CSPG4: variants seen among roughly 807,000 people sequenced by gnomAD.
CSPG4 encodes chondroitin sulfate proteoglycan 4 (melanoma-associated).
In CSPG4, 74 loss-of-function variants were observed where a neutral mutation model predicts 139.3. The ratio of observed to expected loss-of-function variants is 0.53; its 90% confidence interval spans 0.44 to 0.64. The LOEUF is 0.64. CSPG4 is among the 30% of genes least tolerant of loss of function. The pLI is 0.00. For synonymous variants in CSPG4, 1,234 were observed against 1,394.2 expected, an observed-to-expected ratio of 0.89 and a Z score of 2.56; for missense variants, 2,565 against 3,148.3, an observed-to-expected ratio of 0.81 and a Z score of 4.43.
rs1394177348 is a variant in CSPG4 at position 75,675,607 on chromosome 15, C to G, written c.6912G>C (p.Leu2304=). ...PPPGGQPDPE[L]LQFCRTPNPA... is the part of the protein sequence containing the mutation. ...GGTTGGGTGTCCGGCAGAACTGCAG[C>G]AGCTCTGGGTCAGGCTGGCCTCCTG... Residue 2304 remains leucine (L), a synonymous_variant, in exon 10 of 10, where the codon CTG becomes CTC. Transcript: ENST00000308508. The G allele has an allele frequency of 1.3e-6, 2 of 1,514,304 alleles. No individual in the cohort carries two copies. The highest frequency in any genetic ancestry group is 4.6e-5 in the East Asian group (2 of 43,796). 93.8% of individuals were successfully genotyped at this position (1,514,304 alleles called of 1,614,324 possible).
rs768885027 is a variant in CSPG4, at chr15:75,690,804, A to G, written c.261T>C (p.Leu87=). The G allele has an allele frequency of 1.9e-6, 3 of 1,607,650 alleles. No individual in the cohort carries two copies. In the South Asian group the frequency reaches 3.3e-5, roughly 18 times the overall value. ...GCCTCAGCTCCTCCTGGCCCAGAAC[A>G]AGTCTGACCTGAAGAGAGATGGGGA... The part of the protein sequence containing the change: ...QLYSGRLQVR[L]VLGQEELRLQ... Residue 87 remains leucine (L), a synonymous_variant, in exon 3 of 10, where the codon CTT becomes CTC. Transcript: ENST00000308508.
intron 8 of CSPG4, 106 bp from the exon 9 acceptor site, chr15:75,677,992 C>T: frequency 9.4e-7 from 1 of 1,066,928 alleles, no homozygotes; most frequent in Non-Finnish European, 1.3e-6. Flanking sequence ...CCTGGGTGTG[C>T]CCAGGTCTGT....
Position 75,687,737 on chromosome 15 carries a change from C to T in CSPG4, c.3328G>A (p.Gly1110Arg), listed in dbSNP as rs753492681. ...AGCAGCGCAGTGGCCTGGTGTTGCC[C>T]GTCGGACACCTGCAGCTGGATCCAG... Reference protein sequence around the residue: ...RGWIQLQVSDGQHQATALLEV... With the variant: ...RGWIQLQVSDRQHQATALLEV... The change falls in exon 3 of 10, where the codon GGG (glycine) becomes AGG (arginine). Residue 1110 changes from glycine to arginine, a missense_variant. Gly to Arg is a moderately radical substitution (Grantham distance 125). This residue lies in a region of CSPG4 where 2,316 missense variants were observed against 2,818.2 expected (regional missense o/e 0.82). Transcript: ENST00000308508. This position sits in a 1 kb window ranked among gnomAD's most constrained non-coding sequence, Gnocchi z 5.4. 1.6e-5 allele frequency: 26 copies of T among 1,612,806 alleles called. No homozygotes were observed. Among genetic ancestry groups the T allele is most frequent in the African/African-American group, 2.7e-5 (2 of 74,936 alleles).
intron 9 of CSPG4, 97 bp from the exon 10 acceptor site, chr15:75,677,481 C>A (rs754484058): frequency 6.8e-6 from 9 of 1,325,212 alleles, no homozygotes; most frequent in Middle Eastern, 2.4e-4. Context: ...GTGCCTCCCC[C>A]CAACCATCAA....
At chr15:75,697,368 C>A (rs1338069997) in intron 1 of CSPG4, among the ~76,000 whole-genome samples, 4 of 152,242 alleles carry the variant, frequency 2.6e-5, no homozygotes, top group Non-Finnish European at 2.9e-5. Flanking sequence ...CCCCACCCTC[C>A]ATGGGTGCTG....
intron 1 of CSPG4, among the ~76,000 whole-genome samples, chr15:75,699,691 G>A (rs1383802825): frequency 6.6e-6 from 1 of 152,218 alleles, no homozygotes; most frequent in East Asian, 1.9e-4. Flanking sequence ...GCAGCCCAGA[G>A]TCCACCCAGG....
chr15:75,705,573 G>A (rs759535508), intron 1 of CSPG4, among the ~76,000 whole-genome samples: 3 of 152,238 alleles, frequency 2.0e-5, no homozygotes, highest in Non-Finnish European at 2.9e-5. Context: ...CTGAGGCTCA[G>A]AAAGACAGAG....
At chr15:75,677,470 T>C (rs1758265181) in intron 9 of CSPG4, 86 bp from the exon 10 acceptor site, 2 of 1,353,986 alleles carry the variant, frequency 1.5e-6, no homozygotes, top group Admixed American at 6.6e-5. Context: ...AGGGCAAGGA[T>C]GTGCCTCCCC....
Position 75,689,123 on chromosome 15 carries a change from C to T in CSPG4, c.1942G>A (p.Ala648Thr), listed in dbSNP as rs750810071. The change falls in exon 3 of 10, where the codon GCC becomes ACC. Residue 648 changes from alanine to threonine, a missense_variant. By Grantham distance (58) the Ala-to-Thr change is moderately conservative (BLOSUM62 0). Around this residue, in one of 5 missense-constraint regions of CSPG4, gnomAD observed 2,316 missense variants for 2,818.2 expected, o/e 0.82. Transcript: ENST00000308508. ...ACCTTCAGCGTGGCCGGGGGGCTGGCCTGCAGTCCATCGCTGACCCGGAAC... is the reference window on the plus strand; with the variant it reads ...ACCTTCAGCGTGGCCGGGGGGCTGGTCTGCAGTCCATCGCTGACCCGGAAC... ...LTFRVSDGLQ[A>T]SPPATLKVVA... 9 of 1,601,468 alleles carry T rather than the reference C, an allele frequency of 5.6e-6. No homozygotes were observed. Among genetic ancestry groups the T allele is most frequent in the Admixed American group, 1.7e-5 (1 of 59,594 alleles).
Position 75,682,658 on chromosome 15 carries a change from T to C in CSPG4, c.4732A>G (p.Lys1578Glu), listed in dbSNP as rs574407281. Residue 1578 changes from lysine to glutamate, a missense_variant, in exon 7 of 10, where the codon AAG (lysine) becomes GAG (glutamate). This residue lies in a region of CSPG4 where 2,316 missense variants were observed against 2,818.2 expected (regional missense o/e 0.82). Coordinates refer to ENST00000308508, the MANE Select transcript of CSPG4 (RefSeq NM_001897.5). ...CCCTTCAGCGAGAGGAGCACTTGCTTCTGGGCCGTCACTCGGAAGAAGTGT... is the reference window on the plus strand; with the variant it reads ...CCCTTCAGCGAGAGGAGCACTTGCTCCTGGGCCGTCACTCGGAAGAAGTGT... Reference protein sequence around the residue: ...PGHFFRVTAQKQVLLSLKGSQ... With the variant: ...PGHFFRVTAQEQVLLSLKGSQ... 6 of 1,613,052 alleles carry C rather than the reference T, an allele frequency of 3.7e-6. No homozygotes were observed. The South Asian group carries it at 6.6e-5, about 18-fold the overall frequency.
At chr15:75,693,261 G>A (rs768239122) in intron 1 of CSPG4, 28 bp from the exon 2 acceptor site, 1 of 1,498,270 alleles carries the variant, frequency 6.7e-7, no homozygotes, top group Non-Finnish European at 8.9e-7. Flanking sequence ...CTGTGGTCAA[G>A]GCTCAGACTC....
rs769627899 is a variant in CSPG4, at chr15:75,675,562, C to T, written c.6957G>A (p.Gln2319=). The change falls in exon 10 of 10, where the codon CAG becomes CAA. Residue 2319 remains glutamine, a synonymous_variant. Coordinates refer to ENST00000308508, the MANE Select transcript of CSPG4 (RefSeq NM_001897.5). ...CCCAGGCCAGGCCTCACACCCAGTACTGGCCATTCTTAAGGGCAGGGTTGG... is the reference window on the plus strand; with the variant it reads ...CCCAGGCCAGGCCTCACACCCAGTATTGGCCATTCTTAAGGGCAGGGTTGG... ...RTPNPALKNG[Q]YWV is the part of the protein sequence containing the mutation. 2 of 1,507,264 alleles carry T rather than the reference C, an allele frequency of 1.3e-6. No homozygotes were observed. Among genetic ancestry groups the T allele is most frequent in the East Asian group, 4.6e-5 (2 of 43,614 alleles). 93.4% of individuals were successfully genotyped at this position (1,507,264 alleles called of 1,614,324 possible). A position where few individuals can be genotyped will look rare whatever the true frequency, so the allele number is the denominator to read the frequency against.
Position 75,684,880 on chromosome 15 carries a change from G to A in CSPG4, c.4305C>T (p.Asp1435=), listed in dbSNP as rs150051188. The A allele has an allele frequency of 4.5e-5, 72 of 1,612,392 alleles. No homozygotes were observed. The highest frequency in any genetic ancestry group is 1.3e-4 in the African/African-American group (10 of 74,912). Residue 1435 remains aspartate, a synonymous_variant, in exon 5 of 10, where the codon GAC becomes GAT. Transcript: ENST00000308508. ...AACTGTCTGTCAGTGTCTCGCTCCC[G>A]TCATGCACGTAGCGGATCAGCTGCT... ...VEEQLIRYVH[D]GSETLTDSFV...
intron 9 of CSPG4, 141 bp downstream of exon 9, chr15:75,677,562 G>C: frequency 8.3e-7 from 1 of 1,207,354 alleles, no homozygotes; most frequent in Non-Finnish European, 1.2e-6. Context: ...TGATGTCAAA[G>C]CTTCCCCACT....
At chr15:75,681,599 C>T (rs991943527) in intron 8 of CSPG4, among the ~76,000 whole-genome samples, 3 of 152,224 alleles carry the variant, frequency 2.0e-5, no homozygotes, top group Admixed American at 6.5e-5. Flanking sequence ...GAAGAGTCTG[C>T]CCCGCTCTGC....
rs1261806829 is a variant in CSPG4 at position 75,712,692 on chromosome 15, T to C, written c.64A>G (p.Met22Val). 12 of 1,565,700 alleles carry C rather than the reference T, an allele frequency of 7.7e-6. No homozygotes were observed. The highest frequency in any genetic ancestry group is 9.5e-6 in the Non-Finnish European group (11 of 1,155,824). ...PGLALALTLT[M>V]LARLASAASF... ...CCCGCGGATGCAAGTCTGGCCAACA[T>C]AGTCAGGGTCAAAGCCAAGGCCAGG... The change falls in exon 1 of 10, where the codon ATG becomes GTG. Residue 22 changes from methionine to valine, a missense_variant. Transcript: ENST00000308508.
intron 1 of CSPG4, among the ~76,000 whole-genome samples, chr15:75,697,873 C>T (rs930490727): frequency 6.6e-6 from 1 of 152,146 alleles, no homozygotes; most frequent in African/African-American, 2.4e-5. Context: ...TTCATTCACT[C>T]AATCACAAAT....
rs1291909076 is a variant in CSPG4 at position 75,677,283 on chromosome 15, C to A, written c.5236G>T (p.Asp1746Tyr). The change falls in exon 10 of 10, where the codon GAT (aspartate) becomes TAT (tyrosine). Residue 1746 changes from aspartate (D) to tyrosine (Y), a missense_variant. By Grantham distance (160) the Asp-to-Tyr change is radical. This residue lies in a region of CSPG4 where 2,316 missense variants were observed against 2,818.2 expected (regional missense o/e 0.82). Coordinates refer to ENST00000308508, the MANE Select transcript of CSPG4 (RefSeq NM_001897.5). ...AACTGTGTGACCTGGAAGAGCACATCATGCTCTGAGCGCTGGGGTGATGGA... is the reference window on the plus strand; with the variant it reads ...AACTGTGTGACCTGGAAGAGCACATAATGCTCTGAGCGCTGGGGTGATGGA... ...SVPSPQRSEH[D>Y]VLFQVTQFPS... 2 of 1,486,690 alleles carry A rather than the reference C, an allele frequency of 1.3e-6. No individual in the cohort carries two copies. Among genetic ancestry groups the A allele is most frequent in the Admixed American group, 2.3e-5 (1 of 42,748 alleles). 92.1% of individuals were successfully genotyped at this position (1,486,690 alleles called of 1,614,324 possible). A position where few individuals can be genotyped will look rare whatever the true frequency, so the allele number is the denominator to read the frequency against.
Position 75,687,992 on chromosome 15 carries a change from G to A in CSPG4, c.3073C>T (p.Arg1025Trp). The change falls in exon 3 of 10, where the codon CGG becomes TGG. Residue 1025 changes from arginine (R) to tryptophan (W), a missense_variant. Arg to Trp is a moderately radical substitution (Grantham distance 101). Coordinates refer to ENST00000308508, the MANE Select transcript of CSPG4 (RefSeq NM_001897.5). This position sits in a 1 kb window ranked among gnomAD's most constrained non-coding sequence, Gnocchi z 5.4. ...CCACCCCGGGCCACATGGAAGATCCGGCTGATGGTCTGCACAGGGGCGTGG... is the reference window on the plus strand; with the variant it reads ...CCACCCCGGGCCACATGGAAGATCCAGCTGATGGTCTGCACAGGGGCGTGG... ...NDHAPVQTIS[R>W]IFHVARGGRR... is the part of the protein sequence containing the mutation. 1.2e-6 allele frequency: 2 copies of A among 1,612,502 alleles called. No homozygotes were observed. The highest frequency in any genetic ancestry group is 1.1e-5 in the South Asian group (1 of 91,026).
Sources: allele counts gnomAD v4.1 joint callset (sites outside exome capture counted in the v4.1 genomes callset), GRCh38; gene constraint gnomAD v4.1.1; regional missense constraint gnomAD v4.1.1; non-coding constraint Gnocchi (gnomAD v3.1); transcripts MANE v1.5; gene names NCBI Gene and HGNC (gene_info 2026-07-23, HGNC 2026-07-21).